ENTHD1: variants seen among roughly 807,000 people sequenced by gnomAD.
ENTHD1 encodes the protein ENTH domain-containing protein 1.
ENTHD1 carries 23 observed loss-of-function variants against 39.1 expected under a neutral mutation model. The ratio of observed to expected loss-of-function variants is 0.59; its 90% CI spans 0.42 to 0.83. The LOEUF (loss-of-function observed/expected upper bound fraction) is 0.83, where lower values mean the gene tolerates loss of function less well. Among genes scored for constraint, ENTHD1 ranks in the 40% least tolerant of loss-of-function variants. The pLI is 0.00. For synonymous variants in ENTHD1, 230 were observed against 258.2 expected (o/e 0.89, Z 1.05); for missense variants, 624 against 705.4 (o/e 0.88, Z 1.31).
chr22:39,771,254 G>A lies in ENTHD1; in HGVS notation c.833-5645C>T, dbSNP rs567820890. Reference sequence around the variant, plus strand: ...AAGAAACCAATAACCTGAAGGCATAGGAGGGGGACCAAAAATAGGCAGAAA... The same window carrying A: ...AAGAAACCAATAACCTGAAGGCATAAGAGGGGGACCAAAAATAGGCAGAAA... On this transcript the variant is annotated intron_variant, in intron 5 of 6. Transcript: ENST00000325157. Among the ~76,000 whole-genome samples, 6 of 152,260 alleles carry A rather than the reference G, an allele frequency of 3.9e-5. No homozygotes were observed. The South Asian group carries it at 1.0e-3, about 26-fold the overall frequency.
chr22:39,744,430 A>G (rs2065088010), intron 6 of ENTHD1, 147 bp from the exon 7 acceptor site: 1 of 701,430 alleles, frequency 1.4e-6, no homozygotes. Context: ...ATTCATAATA[A>G]GCTTAAAAAA....
intron 5 of ENTHD1, among the ~76,000 whole-genome samples, chr22:39,817,141 G>C (rs1238155832): frequency 1.3e-5 from 2 of 152,156 alleles, no homozygotes; most frequent in African/African-American, 4.8e-5. Context: ...GAGAATGTGA[G>C]TGAATAGGCT....
At chr22:39,839,233 C>T (rs989827726) in intron 3 of ENTHD1, among the ~76,000 whole-genome samples, 16 of 152,054 alleles carry the variant, frequency 1.1e-4, no homozygotes, top group African/African-American at 3.6e-4. Flanking sequence ...ACAGTCTTTA[C>T]CTTCTAGAAG....
chr22:39,819,313 C>T lies in ENTHD1; in HGVS notation c.832+1680G>A, dbSNP rs1037136163. On this transcript the variant is annotated intron_variant, in intron 5 of 6. Transcript: ENST00000325157. Reference sequence around the variant, plus strand: ...CCGGGAGGTGGAAGGTGCGGTGAGCCGAGATCGCGCCACTGTACTCCAACC... The same window carrying T: ...CCGGGAGGTGGAAGGTGCGGTGAGCTGAGATCGCGCCACTGTACTCCAACC... 8.6e-5 allele frequency among the ~76,000 whole-genome samples: 13 copies of T among 151,374 alleles called. No individual in the cohort carries two copies. The South Asian group carries it at 2.5e-3, about 29-fold the overall frequency.
chr22:39,834,334 T>A (rs1455408242), intron 4 of ENTHD1, among the ~76,000 whole-genome samples: 1 of 152,128 alleles, frequency 6.6e-6, no homozygotes, highest in Non-Finnish European at 1.5e-5. Flanking sequence ...TGTGAACATA[T>A]GAATAAGGTC....
intron 5 of ENTHD1, among the ~76,000 whole-genome samples, chr22:39,793,991 T>TA (rs2065526359): frequency 6.6e-6 from 1 of 152,224 alleles, no homozygotes; most frequent in African/African-American, 2.4e-5. Flanking sequence ...TCCATTTCTG[T>TA]AAAAAATGAC....
intron 5 of ENTHD1, 84 bp from the exon 6 acceptor site, chr22:39,765,693 G>C: frequency 7.7e-7 from 1 of 1,306,982 alleles, no homozygotes; most frequent in Non-Finnish European, 1.0e-6. Context: ...TTAATAAATA[G>C]GATTTTTTAA....
rs566057085 is a variant in ENTHD1 at position 39,828,919 on chromosome 22, G to C, written c.711+6921C>G. 1.8e-4 allele frequency among the ~76,000 whole-genome samples: 27 copies of C among 152,258 alleles called. No homozygotes were observed. The South Asian group carries it at 2.5e-3, about 14-fold the overall frequency. ...AAAGCTCTATTCTGTTATGAATTTT[G>C]TTTACTGCATTTAAGATAATTTTTC... is the stretch of plus-strand genomic sequence containing the variant. On this transcript the variant is annotated intron_variant, in intron 4 of 6. Coordinates refer to ENST00000325157, the MANE Select transcript of ENTHD1 (RefSeq NM_152512.4).
chr22:39,848,246 TTTAA>T (rs1345499317), intron 3 of ENTHD1, among the ~76,000 whole-genome samples: 3 of 152,116 alleles, frequency 2.0e-5, no homozygotes, highest in South Asian at 2.1e-4. Context: ...TTTATTTTTT[TTTAA>T]TTAATTAATT....
chr22:39,799,421 C>G (rs573081063), intron 5 of ENTHD1, among the ~76,000 whole-genome samples: 1 of 152,112 alleles, frequency 6.6e-6, no homozygotes, highest in African/African-American at 2.4e-5. Context: ...CTCCTTAGTT[C>G]AGCTAAAATC....
At chr22:39,784,792 A>G (rs1483859978) in intron 5 of ENTHD1, among the ~76,000 whole-genome samples, 1 of 152,096 alleles carries the variant, frequency 6.6e-6, no homozygotes, top group African/African-American at 2.4e-5. Flanking sequence ...TGGAGTGGGG[A>G]TGCAGGGAAG....
At chr22:39,857,890 C>T (rs1601647066) in intron 3 of ENTHD1, among the ~76,000 whole-genome samples, 2 of 152,148 alleles carry the variant, frequency 1.3e-5, no homozygotes, top group African/African-American at 2.4e-5. Context: ...GAGCCTTCAG[C>T]GAGTCTTCAT....
At chr22:39,744,861 T>A (rs1231894387) in intron 6 of ENTHD1, among the ~76,000 whole-genome samples, 2 of 152,216 alleles carry the variant, frequency 1.3e-5, no homozygotes, top group Non-Finnish European at 2.9e-5. Context: ...TCATTTTTTT[T>A]CTCACCAAGA....
rs771804006 is a variant in ENTHD1, at chr22:39,863,443, TTCAG to T, written c.350-1440_350-1437del. ...TCTGTCCTTAACCATCTGTGTGACT[TTCAG>T]TCAGTCAGGTGGTCTATCTGGGCCT... On this transcript the variant is annotated intron_variant, in intron 2 of 6. Coordinates refer to ENST00000325157, the MANE Select transcript of ENTHD1 (RefSeq NM_152512.4). Among the ~76,000 whole-genome samples, 32 of 152,322 alleles carry T rather than the reference TTCAG, an allele frequency of 2.1e-4. No homozygotes were observed. The Middle Eastern group carries it at 0.01, about 49-fold the overall frequency.
In ENTHD1 at chr22:39,743,726, A is replaced by G. The variant is rs568491500; in HGVS notation, c.1777T>C (p.Ser593Pro). 6.2e-7 allele frequency: 1 copy of G among 1,613,896 alleles called. No individual in the cohort carries two copies. Among genetic ancestry groups the G allele is most frequent in the African/African-American group, 1.3e-5 (1 of 75,030 alleles). ...TCAGAAGACTGGGGGACCTGGGAAG[A>G]CTGGCTTATTTGTGAACTATTCAGA... ...MSLNSSQISQ[S>P]SQVPQSSEGS... The change falls in exon 7 of 7, where the codon TCT becomes CCT. Residue 593 changes from serine (S) to proline (P), a missense_variant. By Grantham distance (74) the Ser-to-Pro change is moderately conservative. Transcript: ENST00000325157.
In ENTHD1 at chr22:39,832,124, C is replaced by T. The variant is rs901967432; in HGVS notation, c.711+3716G>A. On this transcript the variant is annotated intron_variant, in intron 4 of 6. Transcript: ENST00000325157. ...CTTGAGGCCAGGAGTTCGAGACTAG[C>T]CTCGGCAATATAGTAAGACCTCGTC... Among the ~76,000 whole-genome samples the T allele has an allele frequency of 5.7e-4, 86 of 152,174 alleles. 1 individual carries two copies. Among genetic ancestry groups the T allele is most frequent in the African/African-American group, 2.0e-3 (82 of 41,520 alleles).
chr22:39,754,575 TAAC>T (rs1388158340), intron 6 of ENTHD1, among the ~76,000 whole-genome samples: 3 of 152,206 alleles, frequency 2.0e-5, no homozygotes, highest in Non-Finnish European at 4.4e-5. Flanking sequence ...TTATTACAAA[TAAC>T]AAGCAGTAAC....
intron 3 of ENTHD1, among the ~76,000 whole-genome samples, chr22:39,839,034 G>C (rs1450276559): frequency 1.3e-5 from 2 of 151,790 alleles, no homozygotes; most frequent in Non-Finnish European, 2.9e-5. Flanking sequence ...CAGTTTGCTT[G>C]TTTTTTCTTT....
At chr22:39,819,815 G>A (rs1043773541) in intron 5 of ENTHD1, among the ~76,000 whole-genome samples, 1 of 152,120 alleles carries the variant, frequency 6.6e-6, no homozygotes, top group Non-Finnish European at 1.5e-5. Flanking sequence ...GGGTACGTGG[G>A]AACTCTTTAC....
Sources: gnomAD v4.1 joint callset for allele counts (sites outside exome capture counted in the v4.1 genomes callset) on GRCh38, gnomAD v4.1.1 for gene constraint, MANE v1.5 for transcripts, NCBI Gene and HGNC (gene_info 2026-07-23, HGNC 2026-07-21) for gene names.